Variants in C12orf42 observed in about 807,000 individuals in gnomAD.
The protein encoded by C12orf42 is chromosome 12 open reading frame 42.
C12orf42 carries 25 observed loss-of-function variants against 21.6 expected under a neutral mutation model. The ratio of observed to expected loss-of-function variants is 1.16; its 90% CI spans 0.84 to 1.62. The LOEUF is 1.62. Among genes scored for constraint, C12orf42 ranks in the 40% most tolerant of loss-of-function variants. The pLI is 0.00. For missense variants in C12orf42, 483 were observed against 459.3 expected (o/e 1.05, Z -0.47); for synonymous variants, 174 against 175.0 (o/e 0.99, Z 0.05).
the C12orf42 span, among the ~76,000 whole-genome samples, chr12:103,503,171 T>G: frequency 6.6e-6 from 1 of 152,178 alleles, no homozygotes; most frequent in East Asian, 1.9e-4. Context: ...ACAGACATAG[T>G]TTTTTAAGCC....
At chr12:103,500,330 A>G (rs527333478), upstream of C12orf42, among the ~76,000 whole-genome samples, 1 of 150,608 alleles carries the variant, frequency 6.6e-6, no homozygotes, top group South Asian at 2.1e-4. Flanking sequence ...CAAAACCATC[A>G]TGACCCTTTC....
At chr12:103,170,584 A>C in the C12orf42 span, among the ~76,000 whole-genome samples, 1 of 152,008 alleles carries the variant, frequency 6.6e-6, no homozygotes, top group African/African-American at 2.4e-5. Context: ...ATCCTTTAAA[A>C]AAAAAAGCCA....
the C12orf42 span, among the ~76,000 whole-genome samples, chr12:103,185,079 T>TA: frequency 2.0e-5 from 3 of 152,092 alleles, no homozygotes; most frequent in African/African-American, 7.2e-5. Flanking sequence ...ATGGTAGCCC[T>TA]AAAAAAACTA....
the C12orf42 span, among the ~76,000 whole-genome samples, chr12:103,176,360 G>C: frequency 6.6e-6 from 1 of 152,312 alleles, no homozygotes; most frequent in South Asian, 2.1e-4. Flanking sequence ...AAGGCAGGCA[G>C]CTGAGTCTCT....
chr12:103,449,334 T>TG (rs1346902680), intron 2 of C12orf42, among the ~76,000 whole-genome samples: 1 of 151,714 alleles, frequency 6.6e-6, no homozygotes, highest in Non-Finnish European at 1.5e-5. Context: ...TTTGGGGACT[T>TG]GGGGGGAAGG....
chr12:103,179,041 A>G, the C12orf42 span, among the ~76,000 whole-genome samples: 1 of 152,160 alleles, frequency 6.6e-6, no homozygotes, highest in Admixed American at 6.5e-5. Context: ...TAATTACCCC[A>G]TGGGTGGATA....
chr12:103,484,863 G>GTTTTTTTTTT (rs56025837), intron 1 of C12orf42, among the ~76,000 whole-genome samples: 2 of 71,690 alleles, frequency 2.8e-5, no homozygotes, highest in East Asian at 4.6e-4. Context: ...TCTGGTTTCA[G>GTTTTTTTTTT]TTTTTTTTTT....
chr12:103,109,625 C>A, the C12orf42 span, among the ~76,000 whole-genome samples: 2 of 148,914 alleles, frequency 1.3e-5, no homozygotes, highest in Admixed American at 6.7e-5. Context: ...TATATAATTT[C>A]TGAAAAATAA....
At chr12:103,198,713 A>G in the C12orf42 span, among the ~76,000 whole-genome samples, 3 of 151,908 alleles carry the variant, frequency 2.0e-5, no homozygotes, top group African/African-American at 7.3e-5. Context: ...CACCTGCTTA[A>G]CTCACCCCTT....
At chr12:103,475,467 C>T (rs2137961365) in intron 2 of C12orf42, among the ~76,000 whole-genome samples, 1 of 152,332 alleles carries the variant, frequency 6.6e-6, no homozygotes, top group East Asian at 1.9e-4. Flanking sequence ...AATACCAGTG[C>T]ATGACAATTT....
chr12:103,348,621 G>C (rs1362204893), intron 4 of C12orf42, among the ~76,000 whole-genome samples: 1 of 152,084 alleles, frequency 6.6e-6, no homozygotes, highest in Non-Finnish European at 1.5e-5. Flanking sequence ...TGTCTTGAAG[G>C]CTCAGAAAAA....
chr12:103,349,314 C>A (rs1303701665), intron 4 of C12orf42: 1 of 151,988 alleles, frequency 6.6e-6, no homozygotes, highest in African/African-American at 2.4e-5. Flanking sequence ...AGAAGCCCAC[C>A]TTTAATGAAG....
At chr12:103,317,217 A>G (rs1841092665) in intron 4 of C12orf42, among the ~76,000 whole-genome samples, 1 of 152,190 alleles carries the variant, frequency 6.6e-6, no homozygotes, top group Admixed American at 6.5e-5. Context: ...TAGCTCAGGC[A>G]CTCTGCTAAG....
intron 10 of C12orf42, among the ~76,000 whole-genome samples, chr12:103,258,620 A>G (rs1488071704): frequency 6.6e-6 from 1 of 151,986 alleles, no homozygotes; most frequent in African/African-American, 2.4e-5. Flanking sequence ...AAACCATTAG[A>G]ACTAACGAAG....
chr12:103,247,706 C>T (rs2034076631), intron 10 of C12orf42, among the ~76,000 whole-genome samples: 3 of 152,002 alleles, frequency 2.0e-5, no homozygotes, highest in Admixed American at 1.3e-4. Context: ...TGCCCCTAGT[C>T]TAGCTGGGCC....
At chr12:103,295,238 C>T (rs1233668155) in intron 4 of C12orf42, among the ~76,000 whole-genome samples, 1 of 152,130 alleles carries the variant, frequency 6.6e-6, no homozygotes, top group Non-Finnish European at 1.5e-5. Flanking sequence ...TTTGTAGTTA[C>T]AAAAACATTA....
At chr12:103,090,299 T>G in the C12orf42 span, among the ~76,000 whole-genome samples, 1 of 152,032 alleles carries the variant, frequency 6.6e-6, no homozygotes, top group Non-Finnish European at 1.5e-5. Context: ...CTTGTGACAT[T>G]GGATGGGATT....
chr12:103,498,026 C>A (rs1020866825), upstream of C12orf42, among the ~76,000 whole-genome samples: 1 of 150,866 alleles, frequency 6.6e-6, no homozygotes, highest in African/African-American at 2.4e-5. Context: ...CAGAGCGAGA[C>A]TCCATCTCAA....
At chr12:103,421,503 G>C (rs2049899108) in intron 2 of C12orf42, among the ~76,000 whole-genome samples, 2 of 151,882 alleles carry the variant, frequency 1.3e-5, no homozygotes, top group Non-Finnish European at 2.9e-5. Context: ...GAATCTGGGA[G>C]GTTAAGGCTA....
Sources: allele counts gnomAD v4.1 joint callset (sites outside exome capture counted in the v4.1 genomes callset), GRCh38; gene constraint gnomAD v4.1.1; transcripts MANE v1.5; gene names NCBI Gene and HGNC (gene_info 2026-07-23, HGNC 2026-07-21).